Variants in NTM observed in about 807,000 individuals in gnomAD.
NTM encodes the protein neurotrimin.
NTM carries 13 observed loss-of-function variants against 42.1 expected under a neutral mutation model. That is an observed-to-expected ratio of 0.31 (90% CI 0.20 to 0.49). The LOEUF (loss-of-function observed/expected upper bound fraction) is 0.49. Among genes scored for constraint, NTM ranks in the 20% least tolerant of loss-of-function variants. NTM has a pLI of 0.99. For missense variants in NTM, 373 were observed against 452.8 expected (o/e 0.82, Z 1.60); for synonymous variants, 187 against 179.2 (o/e 1.04, Z -0.35).
intron 1 of NTM, among the ~76,000 whole-genome samples, chr11:131,733,110 A>G (rs2079908835): frequency 1.3e-5 from 2 of 152,190 alleles, no homozygotes; most frequent in Admixed American, 1.3e-4. Context: ...AGTGTTGTTC[A>G]TAATTTTTTG....
chr11:131,473,992 A>G (rs894411807), intron 1 of NTM, among the ~76,000 whole-genome samples: 2 of 152,124 alleles, frequency 1.3e-5, no homozygotes, highest in Non-Finnish European at 2.9e-5. Flanking sequence ...CAATGGTCTT[A>G]TCTTTCTCCT....
At chr11:132,308,036 C>CTAAAG (rs1278960616) in intron 5 of NTM, among the ~76,000 whole-genome samples, 1 of 152,206 alleles carries the variant, frequency 6.6e-6, no homozygotes, top group Non-Finnish European at 1.5e-5. Flanking sequence ...GAAAAAGTAG[C>CTAAAG]TAAAGTAACT....
intron 2 of NTM, among the ~76,000 whole-genome samples, chr11:132,080,681 C>A (rs2058923790): frequency 6.6e-6 from 1 of 152,140 alleles, no homozygotes; most frequent in Admixed American, 6.5e-5. Flanking sequence ...GCTGGACAGT[C>A]CCTGCAGGTT....
intron 1 of NTM, among the ~76,000 whole-genome samples, chr11:131,882,342 T>A (rs2049671117): frequency 6.6e-6 from 1 of 152,212 alleles, no homozygotes; most frequent in South Asian, 2.1e-4. Flanking sequence ...AATTCCCTCA[T>A]CTTCAAGGCA....
chr11:131,576,086 A>C (rs768300691), intron 1 of NTM, among the ~76,000 whole-genome samples: 3 of 152,280 alleles, frequency 2.0e-5, no homozygotes, highest in South Asian at 2.1e-4. Flanking sequence ...GTGGGCTGGA[A>C]AAAGGGAGTC....
In NTM at chr11:132,169,320, C is replaced by CT. The variant is rs567723794; in HGVS notation, c.400+22838dup. On this transcript the variant is annotated intron_variant, in intron 3 of 8. Coordinates refer to ENST00000683400, the MANE Select transcript of NTM (RefSeq NM_001352005.2). ...GTGATATCTAGGTTTAATTTTTTTACTTTTTTTTTTTTTTTTTTTTTTTTT... is the reference window on the plus strand; with the variant it reads ...GTGATATCTAGGTTTAATTTTTTTACTTTTTTTTTTTTTTTTTTTTTTTTTT... Among the ~76,000 whole-genome samples, 242 of 32,348 alleles carry CT rather than the reference C, an allele frequency of 7.5e-3. 48 individuals are homozygous for CT. The highest frequency in any genetic ancestry group is 0.025 in the African/African-American group (213 of 8,650). 21.2% of individuals were successfully genotyped at this position (32,348 alleles called of 152,430 possible).
intron 3 of NTM, among the ~76,000 whole-genome samples, chr11:132,172,859 G>T (rs1405798632): frequency 6.6e-6 from 1 of 152,216 alleles, no homozygotes; most frequent in East Asian, 1.9e-4. Flanking sequence ...TGCCATGTGT[G>T]ATTGGTGAAT....
intron 2 of NTM, among the ~76,000 whole-genome samples, chr11:132,069,433 A>T (rs1266366713): frequency 8.2e-6 from 1 of 121,708 alleles, no homozygotes; most frequent in Non-Finnish European, 1.7e-5. Flanking sequence ...GTTAGTTAAC[A>T]CGTCACACAG....
chr11:131,730,583 G>A (rs2079521990), intron 1 of NTM, among the ~76,000 whole-genome samples: 1 of 152,092 alleles, frequency 6.6e-6, no homozygotes, highest in South Asian at 2.1e-4. Flanking sequence ...GCTGGGCACA[G>A]CGATGCTTGC....
chr11:132,189,118 T>A (rs3133873), intron 3 of NTM, among the ~76,000 whole-genome samples: 1 of 152,130 alleles, frequency 6.6e-6, no homozygotes, highest in East Asian at 1.9e-4. Flanking sequence ...GGGCAGGTGG[T>A]GGATGATAGA....
intron 1 of NTM, among the ~76,000 whole-genome samples, chr11:131,860,925 A>C (rs576012465): frequency 1.3e-5 from 2 of 152,274 alleles, no homozygotes; most frequent in South Asian, 4.1e-4. Context: ...GATGTCCACA[A>C]CTGGGCACCT....
chr11:131,577,931 A>G (rs1035714356), intron 1 of NTM, among the ~76,000 whole-genome samples: 5 of 152,356 alleles, frequency 3.3e-5, no homozygotes, highest in African/African-American at 1.2e-4. Context: ...CTTTATTGCA[A>G]TGACAAAGAA....
At chr11:131,577,882 G>T (rs995673705) in intron 1 of NTM, among the ~76,000 whole-genome samples, 1 of 152,162 alleles carries the variant, frequency 6.6e-6, no homozygotes, top group Non-Finnish European at 1.5e-5. Flanking sequence ...TAGTGAATTG[G>T]TATTTCAGGA....
chr11:131,938,463 A>G (rs947483143), intron 2 of NTM, among the ~76,000 whole-genome samples: 2 of 152,360 alleles, frequency 1.3e-5, no homozygotes, highest in African/African-American at 4.8e-5. Context: ...GCATGAGAGC[A>G]CTGCAAGATG....
At chr11:131,401,799 AATATAT>A (rs61167647) in intron 1 of NTM, among the ~76,000 whole-genome samples, 484 of 34,924 alleles carry the variant, frequency 0.014, 37 homozygotes, top group Non-Finnish European at 0.014. Flanking sequence ...GGCCACTGGA[AATATAT>A]ATATATATAT....
chr11:132,232,581 A>C (rs1249747724), intron 4 of NTM, among the ~76,000 whole-genome samples: 1 of 152,230 alleles, frequency 6.6e-6, no homozygotes, highest in Non-Finnish European at 1.5e-5. Context: ...GCCAGTTACT[A>C]AGTGGGTGAC....
intron 1 of NTM, among the ~76,000 whole-genome samples, chr11:131,467,464 A>G (rs1952003586): frequency 6.6e-6 from 1 of 152,200 alleles, no homozygotes; most frequent in African/African-American, 2.4e-5. Context: ...ATTCAACTGC[A>G]CTTCAGAACT....
At chr11:132,293,377 G>C (rs565302169) in intron 4 of NTM, among the ~76,000 whole-genome samples, 3 of 152,330 alleles carry the variant, frequency 2.0e-5, no homozygotes, top group East Asian at 3.9e-4. Flanking sequence ...GTCTCCAGGA[G>C]AGCCCATGTC....
chr11:132,320,754 C>T (rs1197453634), intron 7 of NTM, among the ~76,000 whole-genome samples: 6 of 152,020 alleles, frequency 3.9e-5, no homozygotes, highest in African/African-American at 1.2e-4. Context: ...CAGCAGTAAC[C>T]TCTGCAGACT....
Sources: gnomAD v4.1 joint callset for allele counts (sites outside exome capture counted in the v4.1 genomes callset) on GRCh38, gnomAD v4.1.1 for gene constraint, MANE v1.5 for transcripts, NCBI Gene and HGNC (gene_info 2026-07-23, HGNC 2026-07-21) for gene names.